Variants in SORCS1 observed in about 807,000 individuals in gnomAD.
SORCS1 encodes the protein VPS10 domain-containing receptor SorCS1.
Under a neutral mutation model 146.1 loss-of-function variants are expected in SORCS1, and 60 were observed. The ratio of observed to expected loss-of-function variants is 0.41; its 90% confidence interval spans 0.33 to 0.51. The LOEUF (loss-of-function observed/expected upper bound fraction) is 0.51. Ranked by LOEUF, SORCS1 falls within the 20% of genes least tolerant of loss-of-function variation. The pLI is 0.21. For synonymous variants in SORCS1, 637 were observed against 584.0 expected (o/e 1.09, Z -1.31); for missense variants, 1,352 against 1,487.6 (o/e 0.91, Z 1.50).
At chr10:107,044,427 T>A (rs949285377) in intron 1 of SORCS1, among the ~76,000 whole-genome samples, 2 of 142,346 alleles carry the variant, frequency 1.4e-5, no homozygotes, top group Admixed American at 7.3e-5. Flanking sequence ...GCCCTGATTT[T>A]AAAAAAACAA....
At chr10:106,642,713 G>C (rs991471603) in intron 18 of SORCS1, among the ~76,000 whole-genome samples, 1 of 151,330 alleles carries the variant, frequency 6.6e-6, no homozygotes, top group Non-Finnish European at 1.5e-5. Context: ...CTATGTTTTT[G>C]CAATATTCTT....
chr10:106,874,923 GT>G (rs566077742), intron 2 of SORCS1, among the ~76,000 whole-genome samples: 1 of 152,060 alleles, frequency 6.6e-6, no homozygotes, highest in African/African-American at 2.4e-5. Context: ...ACATTTTTGT[GT>G]TTTTTCTGCT....
intron 2 of SORCS1, among the ~76,000 whole-genome samples, chr10:106,902,561 A>C (rs1951752660): frequency 6.6e-6 from 1 of 152,224 alleles, no homozygotes; most frequent in Admixed American, 6.5e-5. Context: ...TATGGCATGA[A>C]CTTATTTTAA....
chr10:106,805,967 C>T (rs1364452806), intron 3 of SORCS1, among the ~76,000 whole-genome samples: 3 of 143,224 alleles, frequency 2.1e-5, no homozygotes, highest in Admixed American at 1.4e-4. Flanking sequence ...GGCTGAGGCA[C>T]GAGAATGGCG....
chr10:107,045,104 T>A (rs1179435040), intron 1 of SORCS1, among the ~76,000 whole-genome samples: 2 of 152,106 alleles, frequency 1.3e-5, no homozygotes, highest in Non-Finnish European at 2.9e-5. Context: ...TGAAGGACCA[T>A]CAATGCCAGG....
intron 22 of SORCS1, among the ~76,000 whole-genome samples, chr10:106,611,291 A>C (rs751447958): frequency 1.3e-5 from 2 of 152,154 alleles, no homozygotes; most frequent in Non-Finnish European, 2.9e-5. Context: ...ATCCTCTATT[A>C]GATATGAGAG....
At chr10:106,968,351 T>C (rs935175497) in intron 1 of SORCS1, among the ~76,000 whole-genome samples, 8 of 152,268 alleles carry the variant, frequency 5.3e-5, no homozygotes, top group African/African-American at 1.9e-4. Context: ...CAGATTTCCA[T>C]GCTCTCAAAT....
In SORCS1 at chr10:107,060,852, T is replaced by A. The variant is rs1961140576; in HGVS notation, c.558+103117A>T. ...TTAAAAAATCATATTTTAGTTAATTTTATTGAATCACAAGCCTCTAAACTA... is the reference window on the plus strand; with the variant it reads ...TTAAAAAATCATATTTTAGTTAATTATATTGAATCACAAGCCTCTAAACTA... On this transcript the variant is annotated intron_variant, in intron 1 of 25. Coordinates refer to ENST00000263054, the MANE Select transcript of SORCS1 (RefSeq NM_052918.5). The surrounding 1 kb of genome is among the most constrained non-coding windows in gnomAD (Gnocchi z 4.1). 6.6e-6 allele frequency among the ~76,000 whole-genome samples: 1 copy of A among 152,198 alleles called. No individual in the cohort carries two copies. Among genetic ancestry groups the A allele is most frequent in the South Asian group, 2.1e-4 (1 of 4,828 alleles).
chr10:106,825,564 G>A lies in SORCS1; in HGVS notation c.726+4010C>T, dbSNP rs538982427. Among the ~76,000 whole-genome samples, 154 of 151,770 alleles carry A rather than the reference G, an allele frequency of 1.0e-3. 1 individual carries two copies. The highest frequency in any genetic ancestry group is 1.9e-3 in the Non-Finnish European group (131 of 67,926). On this transcript the variant is annotated intron_variant, in intron 3 of 25. Transcript: ENST00000263054. ...TGGGATTACAGGCGTGAGCCACTGCGCCCAGCCAAGTTTTTTTTTTTTCTT... is the reference window on the plus strand; with the variant it reads ...TGGGATTACAGGCGTGAGCCACTGCACCCAGCCAAGTTTTTTTTTTTTCTT...
In SORCS1 at chr10:106,699,332, T is replaced by C; in HGVS notation, c.1295A>G (p.Gln432Arg). Residue 432 changes from glutamine (Q) to arginine (R), a missense_variant, in exon 9 of 26, where the codon CAG becomes CGG. This residue lies in a region of SORCS1 where 648 missense variants were observed against 793.8 expected (regional missense o/e 0.82). Coordinates refer to ENST00000263054, the MANE Select transcript of SORCS1 (RefSeq NM_052918.5). ...GATGTAGAGGTTGTACGTGTCATTC[T>C]GGTTCCATTCTTGGACCGCTGCGAA... ...QVFAAVQEWNQNDTYNLYISD... is the reference protein window; with the variant it reads ...QVFAAVQEWNRNDTYNLYISD... The C allele has an allele frequency of 6.2e-7, 1 of 1,614,028 alleles. No homozygotes were observed. Among genetic ancestry groups the C allele is most frequent in the Non-Finnish European group, 8.5e-7 (1 of 1,179,904 alleles).
intron 19 of SORCS1, among the ~76,000 whole-genome samples, chr10:106,628,643 C>G (rs1848246476): frequency 6.6e-6 from 1 of 152,198 alleles, no homozygotes; most frequent in African/African-American, 2.4e-5. Context: ...TTCCTTAACA[C>G]TGTTTTTATA....
At chr10:106,947,238 T>C (rs1954394091) in intron 2 of SORCS1, among the ~76,000 whole-genome samples, 1 of 152,228 alleles carries the variant, frequency 6.6e-6, no homozygotes, top group South Asian at 2.1e-4. Context: ...TGGAATGTAA[T>C]CTCGAGTATC....
At chr10:106,842,074 C>T (rs1300856411) in intron 2 of SORCS1, among the ~76,000 whole-genome samples, 2 of 152,110 alleles carry the variant, frequency 1.3e-5, no homozygotes, top group African/African-American at 4.8e-5. Flanking sequence ...GTTTCACATC[C>T]TTGTGGGCAT....
intron 1 of SORCS1, among the ~76,000 whole-genome samples, chr10:107,109,803 T>G (rs950728872): frequency 6.6e-6 from 1 of 152,236 alleles, no homozygotes; most frequent in Admixed American, 6.5e-5. Context: ...TGTTTCCTGC[T>G]TAAATATAAC....
rs1589646710 is a variant in SORCS1, at chr10:106,576,080, T to C, written c.*1340A>G. 6.6e-6 allele frequency: 1 copy of C among 152,252 alleles called. No homozygotes were observed. Among genetic ancestry groups the C allele is most frequent in the African/African-American group, 2.4e-5 (1 of 41,466 alleles). 9.4% of individuals were successfully genotyped at this position (152,252 alleles called of 1,614,324 possible). ...GGCCAGGTTTGAATTACTTTGCATA[T>C]ATCAACTCTTTCGCATACAGTATAT... On this transcript the variant is annotated 3_prime_UTR_variant, in exon 26 of 26. Transcript: ENST00000263054.
chr10:107,134,667 C>G (rs1286663849), intron 1 of SORCS1, among the ~76,000 whole-genome samples: 1 of 152,086 alleles, frequency 6.6e-6, no homozygotes, highest in Non-Finnish European at 1.5e-5. Flanking sequence ...TCCATCATTC[C>G]ACAGTAGCTT....
At chr10:107,046,066 C>A (rs1161878642) in intron 1 of SORCS1, among the ~76,000 whole-genome samples, 1 of 152,040 alleles carries the variant, frequency 6.6e-6, no homozygotes, top group Non-Finnish European at 1.5e-5. Context: ...CCTGCCTCAG[C>A]CTCCTGAGTA....
chr10:106,806,384 A>AAAAATATAAAAT (rs1947174875), intron 3 of SORCS1, among the ~76,000 whole-genome samples: 1 of 139,668 alleles, frequency 7.2e-6, no homozygotes, highest in African/African-American at 2.7e-5. Flanking sequence ...AAAATAAAAT[A>AAAAATATAAAAT]AAAATAAAAT....
intron 1 of SORCS1, among the ~76,000 whole-genome samples, chr10:107,110,263 CATT>C (rs1384400750): frequency 3.3e-5 from 5 of 152,150 alleles, no homozygotes; most frequent in African/African-American, 9.7e-5. Context: ...ATACCCAACT[CATT>C]AGTACCGATT....
Sources: allele counts gnomAD v4.1 joint callset (sites outside exome capture counted in the v4.1 genomes callset), GRCh38; gene constraint gnomAD v4.1.1; regional missense constraint gnomAD v4.1.1; non-coding constraint Gnocchi (gnomAD v3.1); transcripts MANE v1.5; gene names NCBI Gene and HGNC (gene_info 2026-07-23, HGNC 2026-07-21).